The following MKLN1 variants were observed in gnomAD, a reference collection of about 807,000 sequenced individuals.
MKLN1 encodes the protein muskelin 1, also known as muskelin.
Under a neutral mutation model 99.0 loss-of-function variants are expected in MKLN1, and 18 were observed. That is an observed-to-expected ratio of 0.18 (90% CI 0.13 to 0.27). MKLN1 has a LOEUF of 0.27. MKLN1 is among the 10% of genes least tolerant of loss of function. The pLI is 1.00. For synonymous variants in MKLN1, 288 were observed against 293.2 expected, an observed-to-expected ratio of 0.98 and a Z score of 0.18; for missense variants, 621 against 875.9, an observed-to-expected ratio of 0.71 and a Z score of 3.67.
At chr7:131,412,413 G>T (rs1259087168) in intron 7 of MKLN1, among the ~76,000 whole-genome samples, 2 of 152,192 alleles carry the variant, frequency 1.3e-5, no homozygotes, top group Non-Finnish European at 2.9e-5. Context: ...TTCTAAATCT[G>T]TGGAACTTTA....
chr7:131,247,991 C>T (rs926546368), intron 3 of MKLN1, among the ~76,000 whole-genome samples: 16 of 152,080 alleles, frequency 1.1e-4, no homozygotes, highest in South Asian at 2.1e-4. Flanking sequence ...CGTGAACTCT[C>T]GGGCTCGAGC....
chr7:131,206,544 ATTATTATTG>A lies in MKLN1; in HGVS notation c.-179+3579_-179+3587del, dbSNP rs1457305622. On this transcript the variant is annotated intron_variant, in intron 3 of 7. Transcript: ENST00000416992. ...TGTATGTATGTGTATAATTATTATT[ATTATTATTG>A]TTATTATTATTATTATTTTAGAGAT... Among the ~76,000 whole-genome samples the A allele has an allele frequency of 7.2e-4, 107 of 148,698 alleles. 1 individual carries two copies. Among genetic ancestry groups the A allele is most frequent in the African/African-American group, 2.3e-3 (92 of 40,618 alleles).
chr7:131,289,125 T>C (rs1464537254), intron 3 of MKLN1, among the ~76,000 whole-genome samples: 1 of 152,182 alleles, frequency 6.6e-6, no homozygotes, highest in Non-Finnish European at 1.5e-5. Context: ...TGCCCGGCTA[T>C]CAAAGCCTTC....
chr7:131,225,173 A>G (rs957301350), intron 3 of MKLN1, among the ~76,000 whole-genome samples: 10 of 152,156 alleles, frequency 6.6e-5, no homozygotes, highest in Non-Finnish European at 1.5e-5. Context: ...GCTCATGAAC[A>G]TGTGGAATTT....
In MKLN1 at chr7:131,132,939, AAAAAAAAAAAAGAAAGAAAGAAAG is replaced by A. The variant is rs1165295402; in HGVS notation, c.-418-9877_-418-9854del. 1.6e-3 allele frequency among the ~76,000 whole-genome samples: 197 copies of A among 121,450 alleles called. 2 individuals carry two copies. The South Asian group carries it at 0.018, about 11-fold the overall frequency. The allele number at this position is 121,450 out of a possible 152,430, so 79.7% of individuals were successfully genotyped here. A position where few individuals can be genotyped will look rare whatever the true frequency, so the allele number is the denominator to read the frequency against. On this transcript the variant is annotated intron_variant, in intron 1 of 7. Coordinates refer to the MKLN1 transcript ENST00000416992. ...AGACTCTGTCTCAAAAAAAAAAAAA[AAAAAAAAAAAAGAAAGAAAGAAAG>A]AAAGAAAGAAAGAAAGAAAAACCAG...
At chr7:131,144,058 C>T (rs1161742662) in intron 2 of MKLN1, among the ~76,000 whole-genome samples, 1 of 152,124 alleles carries the variant, frequency 6.6e-6, no homozygotes, top group Non-Finnish European at 1.5e-5. Context: ...TTGTCTACCT[C>T]CTTTCCTAGA....
At chr7:131,137,777 G>A (rs1177005847) in intron 1 of MKLN1, among the ~76,000 whole-genome samples, 1 of 151,998 alleles carries the variant, frequency 6.6e-6, no homozygotes, top group Non-Finnish European at 1.5e-5. Context: ...GTTTCACCAT[G>A]TTGGCCAGGC....
intron 2 of MKLN1, chr7:131,142,978 T>C: frequency 7.7e-7 from 1 of 1,292,432 alleles, no homozygotes; most frequent in Admixed American, 2.3e-5. Context: ...TTTCTTTAGT[T>C]GTCAAAAAAG....
intron 2 of MKLN1, among the ~76,000 whole-genome samples, chr7:131,159,739 C>G (rs569699070): frequency 2.6e-5 from 4 of 152,046 alleles, no homozygotes; most frequent in Admixed American, 6.5e-5. Context: ...TGTACCCCAA[C>G]AATATGTACG....
chr7:131,214,124 T>C (rs1351266394), intron 3 of MKLN1, among the ~76,000 whole-genome samples: 4 of 152,164 alleles, frequency 2.6e-5, no homozygotes, highest in Non-Finnish European at 4.4e-5. Context: ...TGTATATAAT[T>C]ATTTCCACCC....
Position 131,493,863 on chromosome 7 carries a change from C to G in MKLN1, c.*6135C>G, listed in dbSNP as rs1391053643. ...TGAGGAGATCATCATTCTTCAGTTTCATTCATTACTTAATGAATGCCAAAT... is the reference window on the plus strand; with the variant it reads ...TGAGGAGATCATCATTCTTCAGTTTGATTCATTACTTAATGAATGCCAAAT... On this transcript the variant is annotated 3_prime_UTR_variant, in exon 18 of 18. Transcript: ENST00000352689. 2 of 152,126 alleles carry G rather than the reference C, an allele frequency of 1.3e-5. No homozygotes were observed. The highest frequency in any genetic ancestry group is 2.9e-5 in the Non-Finnish European group (2 of 68,016). The allele number at this position is 152,126 out of a possible 1,614,324, so 9.4% of individuals were successfully genotyped here.
At chr7:131,131,301 C>A (rs890833097) in intron 1 of MKLN1, among the ~76,000 whole-genome samples, 1 of 151,932 alleles carries the variant, frequency 6.6e-6, no homozygotes, top group Non-Finnish European at 1.5e-5. Flanking sequence ...CACTTGAGCC[C>A]AGGAGTTCAA....
chr7:131,465,899 TTATGTCAGAATTTTTAAGATATTTGTTA>T (rs1296043133), intron 14 of MKLN1, among the ~76,000 whole-genome samples: 1 of 152,178 alleles, frequency 6.6e-6, no homozygotes, highest in Non-Finnish European at 1.5e-5. Flanking sequence ...GATTCAGCAT[TTATGTCAGAATTTTTAAGATATTTGTTA>T]TATGATCAAT....
At chr7:131,433,901 G>A (rs79195095) in intron 9 of MKLN1, among the ~76,000 whole-genome samples, 1 of 99,096 alleles carries the variant, frequency 1.0e-5, no homozygotes, top group East Asian at 3.0e-4. Context: ...TTTTTTTTTT[G>A]AGACAGAGTT....
intron 3 of MKLN1, among the ~76,000 whole-genome samples, chr7:131,206,639 T>C (rs1796815864): frequency 1.3e-5 from 2 of 151,638 alleles, no homozygotes; most frequent in South Asian, 4.2e-4. Flanking sequence ...CACTGCAACC[T>C]CAAACTCCTG....
intron 3 of MKLN1, among the ~76,000 whole-genome samples, chr7:131,229,424 A>G (rs1308749277): frequency 1.3e-5 from 2 of 152,146 alleles, no homozygotes; most frequent in African/African-American, 4.8e-5. Flanking sequence ...GTTGAAAGAA[A>G]TGTCTGAGTT....
chr7:131,405,990 C>G (rs1207133454), intron 6 of MKLN1, among the ~76,000 whole-genome samples: 1 of 152,064 alleles, frequency 6.6e-6, no homozygotes, highest in Non-Finnish European at 1.5e-5. Flanking sequence ...GTCTGATTCT[C>G]ATTACTGAGA....
intron 8 of MKLN1, among the ~76,000 whole-genome samples, chr7:131,415,421 G>C (rs1339555671): frequency 6.6e-6 from 1 of 152,012 alleles, no homozygotes; most frequent in Non-Finnish European, 1.5e-5. Context: ...TAATTGCTTG[G>C]AGACTCATAT....
chr7:131,478,190 C>A (rs934363186), intron 16 of MKLN1, among the ~76,000 whole-genome samples: 1 of 152,078 alleles, frequency 6.6e-6, no homozygotes, highest in Non-Finnish European at 1.5e-5. Flanking sequence ...ATTTACACAG[C>A]TGAGACATCA....
Sources: allele counts gnomAD v4.1 joint callset (sites outside exome capture counted in the v4.1 genomes callset), GRCh38; gene constraint gnomAD v4.1.1; transcripts MANE v1.5; gene names NCBI Gene and HGNC (gene_info 2026-07-23, HGNC 2026-07-21).